NDNF: variants seen among roughly 807,000 people sequenced by gnomAD.
NDNF encodes the protein neuron derived neurotrophic factor.
Under a neutral mutation model 42.0 loss-of-function variants are expected in NDNF, and 16 were observed. The ratio of observed to expected loss-of-function variants is 0.38; its 90% CI spans 0.26 to 0.58. The LOEUF (loss-of-function observed/expected upper bound fraction) is 0.58. Among genes scored for constraint, NDNF ranks in the 20% least tolerant of loss-of-function variants. NDNF has a pLI of 0.67. For missense variants in NDNF, 616 were observed against 666.2 expected (o/e 0.92, Z 0.83); for synonymous variants, 248 against 251.7 (o/e 0.99, Z 0.14).
Position 121,037,488 on chromosome 4 carries a change from T to C in NDNF, c.483A>G (p.Val161=). Residue 161 remains valine, a synonymous_variant, in exon 4 of 4, where the codon GTA becomes GTG. Coordinates refer to ENST00000379692, the MANE Select transcript of NDNF (RefSeq NM_024574.4). ...LSTEKDTHFK[V]YATTTPESDQ... Reference sequence around the variant, plus strand: ...CAGATTCTGGAGTTGTGGTGGCATATACTTTGAAATGTGTGTCTTTCTCTG... The same window carrying C: ...CAGATTCTGGAGTTGTGGTGGCATACACTTTGAAATGTGTGTCTTTCTCTG... 6.2e-7 allele frequency: 1 copy of C among 1,614,178 alleles called. No individual in the cohort carries two copies. The highest frequency in any genetic ancestry group is 8.5e-7 in the Non-Finnish European group (1 of 1,180,028).
chr4:121,045,073 C>G (rs1276321749), intron 2 of NDNF, among the ~76,000 whole-genome samples: 2 of 152,162 alleles, frequency 1.3e-5, no homozygotes, highest in Non-Finnish European at 2.9e-5. Flanking sequence ...TGTACTGAGG[C>G]CGGGCGCAGT....
chr4:121,037,549 G>C lies in NDNF; in HGVS notation c.422C>G (p.Ser141Cys). 1 of 1,613,804 alleles carries C rather than the reference G, an allele frequency of 6.2e-7. No individual in the cohort carries two copies. Residue 141 changes from serine to cysteine, a missense_variant, in exon 4 of 4, where the codon TCC (serine) becomes TGC (cysteine). Coordinates refer to ENST00000379692, the MANE Select transcript of NDNF (RefSeq NM_024574.4). ...NDVEYFISSSSPSGLYQLDLL... is the reference protein window; with the variant it reads ...NDVEYFISSSCPSGLYQLDLL... ...ATCCAACTGATATAAACCGGATGGGGAACTAGACGATATAAAATACTCAAC... is the reference window on the plus strand; with the variant it reads ...ATCCAACTGATATAAACCGGATGGGCAACTAGACGATATAAAATACTCAAC...
At chr4:121,042,807 C>A (rs967609923) in intron 2 of NDNF, among the ~76,000 whole-genome samples, 6 of 152,118 alleles carry the variant, frequency 3.9e-5, no homozygotes, top group Non-Finnish European at 7.4e-5. Flanking sequence ...CAGAAGAAAA[C>A]AATGTACAAG....
Position 121,037,055 on chromosome 4 carries a change from G to C in NDNF, c.916C>G (p.Pro306Ala). 1 of 1,613,948 alleles carries C rather than the reference G, an allele frequency of 6.2e-7. No homozygotes were observed. The highest frequency in any genetic ancestry group is 2.2e-5 in the East Asian group (1 of 44,868). Residue 306 changes from proline to alanine, a missense_variant, in exon 4 of 4, where the codon CCC (proline) becomes GCC (alanine). Coordinates refer to ENST00000379692, the MANE Select transcript of NDNF (RefSeq NM_024574.4). ...KNIFTVSDLK[P>A]DTQYYFDVFV... ...ACATCAAAGTAGTACTGCGTGTCGGGTTTCAGATCAGAGACGGTGAAGATG... is the reference window on the plus strand; with the variant it reads ...ACATCAAAGTAGTACTGCGTGTCGGCTTTCAGATCAGAGACGGTGAAGATG...
At chr4:121,056,160 T>C (rs1489026984) in intron 1 of NDNF, among the ~76,000 whole-genome samples, 1 of 152,180 alleles carries the variant, frequency 6.6e-6, no homozygotes, top group Non-Finnish European at 1.5e-5. Context: ...TACTGGGCAC[T>C]TATTTGGAAA....
At chr4:121,061,825 T>G (rs1178605380) in intron 1 of NDNF, among the ~76,000 whole-genome samples, 1 of 152,198 alleles carries the variant, frequency 6.6e-6, no homozygotes, top group Non-Finnish European at 1.5e-5. Flanking sequence ...GAGTCAAAGA[T>G]CTAAGTTGAA....
chr4:121,040,164 T>C (rs1184997796), intron 2 of NDNF, 110 bp from the exon 3 acceptor site: 1 of 1,110,440 alleles, frequency 9.0e-7, no homozygotes, highest in Non-Finnish European at 1.3e-6. Context: ...TTATAAATTT[T>C]ATAAAATTTT....
At chr4:121,068,570 C>G (rs1332965736) in intron 1 of NDNF, among the ~76,000 whole-genome samples, 1 of 152,124 alleles carries the variant, frequency 6.6e-6, no homozygotes, top group Non-Finnish European at 1.5e-5. Context: ...GTATCCCTGC[C>G]TTTGACCCAA....
Position 121,036,467 on chromosome 4 carries a change from G to C in NDNF, c.1504C>G (p.Leu502Val). Residue 502 changes from leucine to valine, a missense_variant, in exon 4 of 4, where the codon CTA becomes GTA. Physicochemically the swap from Leu to Val is conservative, Grantham distance 32 (BLOSUM62 1). Transcript: ENST00000379692. The part of the protein sequence containing the change: ...DQKKREQNQC[L>V]GPDIRKKSEK... The stretch of plus-strand genomic sequence containing the variant: ...GACTTCTTCCTTATATCTGGTCCTA[G>C]ACATTGGTTTTGCTCTCTTTTCTTC... 1 of 1,614,150 alleles carries C rather than the reference G, an allele frequency of 6.2e-7. No homozygotes were observed. The highest frequency in any genetic ancestry group is 8.5e-7 in the Non-Finnish European group (1 of 1,180,010).
At chr4:121,044,879 T>C (rs1727060511) in intron 2 of NDNF, among the ~76,000 whole-genome samples, 1 of 152,052 alleles carries the variant, frequency 6.6e-6, no homozygotes, top group Non-Finnish European at 1.5e-5. Flanking sequence ...GGTGGGAGGA[T>C]TGATTCATCC....
In NDNF at chr4:121,036,809, G is replaced by C. The variant is rs1726878817; in HGVS notation, c.1162C>G (p.Gln388Glu). 1 of 1,614,134 alleles carries C rather than the reference G, an allele frequency of 6.2e-7. No homozygotes were observed. Among genetic ancestry groups the C allele is most frequent in the African/African-American group, 1.3e-5 (1 of 75,026 alleles). ...IHSCLDAVQIQVRRDGKLLLS... is the reference protein window; with the variant it reads ...IHSCLDAVQIEVRRDGKLLLS... ...AGAAGTTTCCCATCTCTTCTCACTT[G>C]GATTTGGACAGCATCCAGACAAGAG... Residue 388 changes from glutamine to glutamate, a missense_variant, in exon 4 of 4, where the codon CAA (glutamine) becomes GAA (glutamate). Physicochemically the swap from Gln to Glu is conservative, Grantham distance 29. Coordinates refer to ENST00000379692, the MANE Select transcript of NDNF (RefSeq NM_024574.4).
chr4:121,069,931 G>T (rs1727561283), intron 1 of NDNF, among the ~76,000 whole-genome samples: 1 of 152,056 alleles, frequency 6.6e-6, no homozygotes, highest in Admixed American at 6.5e-5. Context: ...ATGGGAATTG[G>T]GACCATAATT....
intron 1 of NDNF, among the ~76,000 whole-genome samples, chr4:121,055,673 C>T (rs1727280988): frequency 6.6e-6 from 1 of 151,900 alleles, no homozygotes. Context: ...TGAGGAGAGG[C>T]TACAGTGGAA....
At chr4:121,056,682 T>C (rs1221354270) in intron 1 of NDNF, among the ~76,000 whole-genome samples, 1 of 152,228 alleles carries the variant, frequency 6.6e-6, no homozygotes, top group Non-Finnish European at 1.5e-5. Context: ...TTAAAGGATC[T>C]TCAACATTCA....
intron 3 of NDNF, 59 bp downstream of exon 3, chr4:121,039,871 T>C: frequency 6.4e-7 from 1 of 1,560,762 alleles, no homozygotes; most frequent in Non-Finnish European, 8.7e-7. Flanking sequence ...GTTGTATGTT[T>C]CACAAGCATT....
chr4:121,049,341 C>T (rs1449965711), intron 1 of NDNF, among the ~76,000 whole-genome samples: 1 of 152,128 alleles, frequency 6.6e-6, no homozygotes, highest in Non-Finnish European at 1.5e-5. Context: ...GGCATGGCTA[C>T]CACCGATTAT....
intron 1 of NDNF, among the ~76,000 whole-genome samples, chr4:121,070,938 A>T (rs1189309388): frequency 2.6e-5 from 4 of 152,098 alleles, no homozygotes; most frequent in Non-Finnish European, 5.9e-5. Context: ...AACTCCGAGG[A>T]GCTGATGCGG....
At chr4:121,050,799 G>C (rs532016891) in intron 1 of NDNF, among the ~76,000 whole-genome samples, 11 of 152,208 alleles carry the variant, frequency 7.2e-5, no homozygotes, top group Non-Finnish European at 7.4e-5. Flanking sequence ...ACTGAGGTGA[G>C]AAAATAAAAA....
rs1299700040 is a variant in NDNF, at chr4:121,036,516, C to T, written c.1455G>A (p.Val485=). Reference sequence around the variant, plus strand: ...TCTGGTCTTCATTGTAGTTATCATCCACTTCTTTTTTGTAGATGCAAAACT... The same window carrying T: ...TCTGGTCTTCATTGTAGTTATCATCTACTTCTTTTTTGTAGATGCAAAACT... ...RNKFCIYKKE[V]DDNYNEDQKK... Residue 485 remains valine (V), a synonymous_variant, in exon 4 of 4, where the codon GTG becomes GTA. Coordinates refer to ENST00000379692, the MANE Select transcript of NDNF (RefSeq NM_024574.4). 6.2e-7 allele frequency: 1 copy of T among 1,614,096 alleles called. No individual in the cohort carries two copies. The highest frequency in any genetic ancestry group is 8.5e-7 in the Non-Finnish European group (1 of 1,180,010).
Sources: allele counts gnomAD v4.1 joint callset (sites outside exome capture counted in the v4.1 genomes callset), GRCh38; gene constraint gnomAD v4.1.1; transcripts MANE v1.5; gene names NCBI Gene and HGNC (gene_info 2026-07-23, HGNC 2026-07-21).